The following MR1 variants were observed in gnomAD, a reference collection of about 807,000 sequenced individuals.
The protein encoded by MR1 is major histocompatibility complex, class I-related.
In MR1, 44 loss-of-function variants were observed where a neutral mutation model predicts 37.8. The ratio of observed to expected loss-of-function variants is 1.16; its 90% CI spans 0.91 to 1.50. The LOEUF (loss-of-function observed/expected upper bound fraction) is 1.50. Among genes scored for constraint, MR1 ranks in the 40% most tolerant of loss-of-function variants. The pLI is 0.00. For synonymous variants in MR1, 153 were observed against 155.8 expected (o/e 0.98, Z 0.13); for missense variants, 386 against 419.1 (o/e 0.92, Z 0.69).
At position 181,056,752 on chromosome 1, in the gene MR1, G is replaced by C. The variant is rs1238417377; in HGVS notation, c.*1487G>C. 1 of 152,376 alleles carries C rather than the reference G, an allele frequency of 6.6e-6. No individual in the cohort carries two copies. Among genetic ancestry groups the C allele is most frequent in the Non-Finnish European group, 1.5e-5 (1 of 68,202 alleles). The allele number at this position is 152,376 out of a possible 1,614,324, so 9.4% of individuals were successfully genotyped here. ...CAAGTGGCTTTTGTCCTGCACCTCA[G>C]GTTTGACCTCTGCTCTCCCTTGACC... On this transcript the variant is annotated 3_prime_UTR_variant, in exon 6 of 6. Transcript: ENST00000367580.
intron 1 of MR1, among the ~76,000 whole-genome samples, chr1:181,046,174 G>A (rs912902007): frequency 6.6e-6 from 1 of 152,170 alleles, no homozygotes; most frequent in South Asian, 2.1e-4. Flanking sequence ...CCTGCTCCAC[G>A]GCGCCAGTCC....
At position 181,049,993 on chromosome 1, in the gene MR1, C is replaced by T; in HGVS notation, c.329-18C>T. The T allele has an allele frequency of 6.2e-7, 1 of 1,608,172 alleles. No homozygotes were observed. The highest frequency in any genetic ancestry group is 8.5e-7 in the Non-Finnish European group (1 of 1,177,496). ...CTGTCTCTGTGTGGACCCCTCTGGG[C>T]TTCTGTGTGTGTTCCAGGGTCTCAC... On this transcript the variant is annotated intron_variant, in intron 2 of 5. Transcript: ENST00000367580.
At chr1:181,053,868 G>A (rs1373108842) in intron 5 of MR1, among the ~76,000 whole-genome samples, 191 bp downstream of exon 5, 2 of 152,240 alleles carry the variant, frequency 1.3e-5, no homozygotes, top group Admixed American at 1.3e-4. Context: ...TACAGGGAGA[G>A]TGGTCTCTTT....
chr1:181,045,819 CA>C, intron 1 of MR1, among the ~76,000 whole-genome samples: 1 of 152,370 alleles, frequency 6.6e-6, no homozygotes, highest in South Asian at 2.1e-4. Context: ...CCGCAGCTTG[CA>C]GGGAGGTGTG....
chr1:181,046,826 A>G (rs2102383811), intron 1 of MR1, among the ~76,000 whole-genome samples: 1 of 152,184 alleles, frequency 6.6e-6, no homozygotes, highest in Non-Finnish European at 1.5e-5. Context: ...CGAGCCCACC[A>G]GGAGGAACGA....
intron 1 of MR1, among the ~76,000 whole-genome samples, chr1:181,034,641 C>T (rs1219592712): frequency 1.3e-5 from 2 of 151,984 alleles, no homozygotes; most frequent in Non-Finnish European, 2.9e-5. Context: ...CTTCTGTTGC[C>T]TCAAATAGGG....
At chr1:181,051,341 C>T (rs567812261) in intron 3 of MR1, 15 of 152,134 alleles carry the variant, frequency 9.9e-5, no homozygotes, top group African/African-American at 3.4e-4. Flanking sequence ...TCAAAAAGCA[C>T]AGTCCCTCCT....
At chr1:181,035,994 A>G (rs930009398) in intron 1 of MR1, among the ~76,000 whole-genome samples, 20 of 152,088 alleles carry the variant, frequency 1.3e-4, no homozygotes, top group African/African-American at 4.6e-4. Flanking sequence ...AGACTGCATC[A>G]CCTAGACTCT....
At chr1:181,048,000 G>A (rs928012798) in intron 1 of MR1, among the ~76,000 whole-genome samples, 3 of 151,550 alleles carry the variant, frequency 2.0e-5, no homozygotes, top group Admixed American at 6.6e-5. Flanking sequence ...GGTGGATCAC[G>A]AGGTCAGGAG....
intron 1 of MR1, among the ~76,000 whole-genome samples, chr1:181,036,003 C>G (rs572576450): frequency 2.8e-4 from 43 of 152,186 alleles, no homozygotes; most frequent in African/African-American, 1.0e-3. Flanking sequence ...CACCTAGACT[C>G]TCTTGCAAGC....
chr1:181,055,213 CT>C lies in MR1; in HGVS notation c.986-9del. The C allele has an allele frequency of 1.2e-6, 2 of 1,613,476 alleles. No homozygotes were observed. Among genetic ancestry groups the C allele is most frequent in the Non-Finnish European group, 1.7e-6 (2 of 1,179,422 alleles). On this transcript the variant is annotated splice_polypyrimidine_tract_variant and intron_variant, in intron 5 of 5. Transcript: ENST00000367580. ...ATTCTTGTAATCTGACTAAAAACCC[CT>C]TTCCTTTCAGAGCAAAATGGAGCCA...
intron 1 of MR1, among the ~76,000 whole-genome samples, chr1:181,048,809 A>C (rs1487663595): frequency 6.6e-6 from 1 of 152,184 alleles, no homozygotes; most frequent in Non-Finnish European, 1.5e-5. Flanking sequence ...ATTACCTATA[A>C]AATTCCATCC....
At chr1:181,046,211 C>T (rs1657855859) in intron 1 of MR1, among the ~76,000 whole-genome samples, 1 of 152,238 alleles carries the variant, frequency 6.6e-6, no homozygotes, top group Non-Finnish European at 1.5e-5. Context: ...CTGAGGAGTG[C>T]GGGCGCACGG....
intron 3 of MR1, 41 bp downstream of exon 3, chr1:181,050,327 C>T (rs1370488276): frequency 1.6e-5 from 25 of 1,611,650 alleles, no homozygotes; most frequent in Non-Finnish European, 2.0e-5. Context: ...ATTGCCTGAA[C>T]AACTGTTTTT....
At chr1:181,048,049 C>T (rs1201434452) in intron 1 of MR1, among the ~76,000 whole-genome samples, 2 of 150,250 alleles carry the variant, frequency 1.3e-5, no homozygotes, top group East Asian at 3.9e-4. Flanking sequence ...AACCCTGTCT[C>T]TACTAAAAAT....
rs1184631498 is a variant in MR1, at chr1:181,059,686, GAGT to G, written c.*4423_*4425del. 6.5e-6 allele frequency: 1 copy of G among 152,720 alleles called. No homozygotes were observed. The highest frequency in any genetic ancestry group is 2.4e-5 in the African/African-American group (1 of 41,462). 9.5% of individuals were successfully genotyped at this position (152,720 alleles called of 1,614,324 possible). A position where few individuals can be genotyped will look rare whatever the true frequency, so the allele number is the denominator to read the frequency against. On this transcript the variant is annotated 3_prime_UTR_variant, in exon 6 of 6. Coordinates refer to ENST00000367580, the MANE Select transcript of MR1 (RefSeq NM_001385161.1). ...CATGGCAGCTAGCTTCCCTCAGAGT[GAGT>G]ATCCCAAGAGATCACAGTCAAAGTG...
At chr1:181,039,878 A>AG (rs1291311691) in intron 1 of MR1, among the ~76,000 whole-genome samples, 1 of 151,678 alleles carries the variant, frequency 6.6e-6, no homozygotes, top group Non-Finnish European at 1.5e-5. Context: ...AAAAAAAAAA[A>AG]AAAGAAAAAA....
intron 1 of MR1, among the ~76,000 whole-genome samples, chr1:181,046,662 C>T (rs1228370884): frequency 4.6e-5 from 7 of 152,036 alleles, no homozygotes; most frequent in Non-Finnish European, 7.4e-5. Context: ...CAGTGGCAAC[C>T]GTCTCGGGTC....
chr1:181,045,781 C>A (rs902106081), intron 1 of MR1, among the ~76,000 whole-genome samples: 1 of 152,356 alleles, frequency 6.6e-6, no homozygotes, highest in East Asian at 1.9e-4. Flanking sequence ...GAGCCCCTTT[C>A]TGGGCTGGCC....
Sources: allele counts gnomAD v4.1 joint callset (sites outside exome capture counted in the v4.1 genomes callset), GRCh38; gene constraint gnomAD v4.1.1; transcripts MANE v1.5; gene names NCBI Gene and HGNC (gene_info 2026-07-23, HGNC 2026-07-21).